C16orf96: variants seen among roughly 807,000 people sequenced by gnomAD.
C16orf96 encodes the protein uncharacterized protein C16orf96.
In C16orf96, 108 loss-of-function variants were observed where a neutral mutation model predicts 103.6. The ratio of observed to expected loss-of-function variants is 1.04; its 90% confidence interval spans 0.89 to 1.22. The LOEUF (loss-of-function observed/expected upper bound fraction) is 1.22, where lower values mean the gene tolerates loss of function less well. Ranked by LOEUF, C16orf96 falls within the 50% of genes most tolerant of loss-of-function variation. The pLI, the probability that C16orf96 is intolerant of heterozygous loss-of-function variation, is 0.00. For missense variants in C16orf96, 1,586 were observed against 1,464.2 expected (o/e 1.08, Z -1.36); for synonymous variants, 566 against 593.5 (o/e 0.95, Z 0.67).
chr16:4,541,669 C>T, the C16orf96 span, among the ~76,000 whole-genome samples: 1 of 152,104 alleles, frequency 6.6e-6, no homozygotes, highest in African/African-American at 2.4e-5. Flanking sequence ...ATTGGTGATT[C>T]TGGTGTTTAA....
Position 4,575,322 on chromosome 16 carries a change from G to C in C16orf96, c.842G>C (p.Trp281Ser). ...AACCCCCAGCTACTGCAGACTGTCTGGCATTATGAGGTCCCAGAGCTCCTC... is the reference window on the plus strand; with the variant it reads ...AACCCCCAGCTACTGCAGACTGTCTCGCATTATGAGGTCCCAGAGCTCCTC... The part of the protein sequence containing the change: ...VQNPQLLQTV[W>S]HYEVPELLPE... Residue 281 changes from tryptophan to serine, a missense_variant, in exon 5 of 16, where the codon TGG becomes TCG. Trp to Ser is a radical substitution (Grantham distance 177, BLOSUM62 -3). Coordinates refer to ENST00000444310, the MANE Select transcript of C16orf96 (RefSeq NM_001145011.2). 6.4e-7 allele frequency: 1 copy of C among 1,551,260 alleles called. No individual in the cohort carries two copies. Among genetic ancestry groups the C allele is most frequent in the Non-Finnish European group, 8.7e-7 (1 of 1,146,982 alleles).
At chr16:4,572,380 A>G (rs1285704824) in intron 2 of C16orf96, among the ~76,000 whole-genome samples, 1 of 146,498 alleles carries the variant, frequency 6.8e-6, no homozygotes, top group African/African-American at 2.5e-5. Context: ...ACTCACTGCA[A>G]CCTCCACCTC....
chr16:4,582,584 A>C (rs1896816400), intron 7 of C16orf96, among the ~76,000 whole-genome samples: 1 of 151,976 alleles, frequency 6.6e-6, no homozygotes, highest in Non-Finnish European at 1.5e-5. Context: ...TGCTGGGCCG[A>C]GTGTGGGTGG....
intron 14 of C16orf96, among the ~76,000 whole-genome samples, chr16:4,598,721 CTG>C (rs1003314627): frequency 1.4e-4 from 22 of 152,218 alleles, no homozygotes; most frequent in African/African-American, 5.3e-4. Flanking sequence ...AGCATTTCAC[CTG>C]TGTCTTACTG....
At position 4,579,026 on chromosome 16, in the gene C16orf96, G is replaced by T. The variant is rs2059549001; in HGVS notation, c.2241+1G>T. 4 of 1,551,422 alleles carry T rather than the reference G, an allele frequency of 2.6e-6. No individual in the cohort carries two copies. The highest frequency in any genetic ancestry group is 2.6e-6 in the Non-Finnish European group (3 of 1,146,826). Reference sequence around the variant, plus strand: ...CAGCCTCCAGAAATCTAGGCTCAAGGTTAGTGTCTCCGGCGAAGGGCTTTT... The same window carrying T: ...CAGCCTCCAGAAATCTAGGCTCAAGTTTAGTGTCTCCGGCGAAGGGCTTTT... On this transcript the variant is annotated splice_donor_variant, in intron 6 of 15. Coordinates refer to ENST00000444310, the MANE Select transcript of C16orf96 (RefSeq NM_001145011.2). LOFTEE classifies it high-confidence loss of function.
chr16:4,571,493 C>A, intron 1 of C16orf96, 68 bp from the exon 2 acceptor site: 1 of 1,353,200 alleles, frequency 7.4e-7, no homozygotes, highest in African/African-American at 1.4e-5. Flanking sequence ...CATCAGAAAG[C>A]TTCTGCACTT....
In C16orf96 at chr16:4,593,873, G is replaced by A. The variant is rs535977629; in HGVS notation, c.2868-478G>A. On this transcript the variant is annotated intron_variant, in intron 12 of 15. Transcript: ENST00000444310. This position sits in a 1 kb window ranked among gnomAD's most constrained non-coding sequence, Gnocchi z 4.2. ...ATGTCCAAACCCTCAGGTTTCCACC[G>A]CACCCAGCTGGCTCCCTGGGTGCCA... 3.9e-5 allele frequency among the ~76,000 whole-genome samples: 6 copies of A among 152,244 alleles called. No individual in the cohort carries two copies. Among genetic ancestry groups the A allele is most frequent in the Non-Finnish European group, 7.4e-5 (5 of 67,986 alleles).
the C16orf96 span, among the ~76,000 whole-genome samples, chr16:4,544,708 G>A: frequency 6.6e-6 from 1 of 152,130 alleles, no homozygotes; most frequent in African/African-American, 2.4e-5. Context: ...AATGCATTTA[G>A]GTCACTGCTC....
chr16:4,578,895 TCCTC>T (rs775747078), intron 5 of C16orf96, 41 bp from the exon 6 acceptor site: 67 of 1,457,510 alleles, frequency 4.6e-5, no homozygotes, highest in Non-Finnish European at 5.6e-5. Context: ...AGAAACATCT[TCCTC>T]CATCCGAGCC....
intron 9 of C16orf96, among the ~76,000 whole-genome samples, chr16:4,590,909 G>T (rs1897044400): frequency 6.6e-6 from 1 of 151,766 alleles, no homozygotes; most frequent in Non-Finnish European, 1.5e-5. Context: ...GCACACGCCT[G>T]TAATCCCAGC....
At chr16:4,570,624 A>G (rs995805969) in intron 1 of C16orf96, among the ~76,000 whole-genome samples, 1 of 151,956 alleles carries the variant, frequency 6.6e-6, no homozygotes, top group African/African-American at 2.4e-5. Context: ...AACATCAGGA[A>G]CTGCTAAGTT....
intron 5 of C16orf96, among the ~76,000 whole-genome samples, chr16:4,577,661 A>G (rs2059528811): frequency 6.6e-6 from 1 of 151,284 alleles, no homozygotes; most frequent in African/African-American, 2.4e-5. Context: ...AAAAAAAAAA[A>G]ATTTTAAACA....
intron 9 of C16orf96, among the ~76,000 whole-genome samples, chr16:4,590,251 C>T (rs1049544679): frequency 6.6e-6 from 1 of 151,914 alleles, no homozygotes; most frequent in Non-Finnish European, 1.5e-5. Flanking sequence ...AGAGAGACTC[C>T]ATCTCTACTT....
At chr16:4,580,309 C>T (rs2059568259) in intron 7 of C16orf96, among the ~76,000 whole-genome samples, 184 bp downstream of exon 7, 1 of 87,516 alleles carries the variant, frequency 1.1e-5, no homozygotes, top group South Asian at 4.9e-4. Context: ...CGAATCCCAC[C>T]ACCCCCCCCC....
At chr16:4,545,006 C>A in the C16orf96 span, among the ~76,000 whole-genome samples, 2 of 152,162 alleles carry the variant, frequency 1.3e-5, no homozygotes, top group Non-Finnish European at 2.9e-5. Flanking sequence ...CTATAGTACA[C>A]GAATATGCAT....
intron 9 of C16orf96, among the ~76,000 whole-genome samples, chr16:4,588,547 A>G (rs760317620): frequency 3.9e-5 from 6 of 152,142 alleles, no homozygotes; most frequent in Non-Finnish European, 5.9e-5. Context: ...GGATGAGCCA[A>G]TTCAAAGAGA....
At chr16:4,550,962 C>T in the C16orf96 span, among the ~76,000 whole-genome samples, 2 of 152,200 alleles carry the variant, frequency 1.3e-5, no homozygotes, top group Admixed American at 1.3e-4. Context: ...TTGCAGATTC[C>T]CAGAACTTTG....
rs1238437231 is a variant in C16orf96 at position 4,576,027 on chromosome 16, A to T, written c.1547A>T (p.Asp516Val). 6.4e-7 allele frequency: 1 copy of T among 1,551,216 alleles called. No homozygotes were observed. The highest frequency in any genetic ancestry group is 2.4e-5 in the East Asian group (1 of 40,908). Residue 516 changes from aspartate (D) to valine (V), a missense_variant, in exon 5 of 16, where the codon GAT becomes GTT. Physicochemically the swap from Asp to Val is radical, Grantham distance 152 (BLOSUM62 -3). Transcript: ENST00000444310. The stretch of plus-strand genomic sequence containing the variant: ...GTCCCCAAAGATAGAGGTGGCAAGG[A>T]TGTGGACCCCAAGGATAGAGCTCAC... ...DDVPKDRGGK[D>V]VDPKDRAHKD... is the part of the protein sequence containing the mutation.
intron 5 of C16orf96, among the ~76,000 whole-genome samples, chr16:4,576,864 G>C (rs1278072777): frequency 6.6e-6 from 1 of 152,144 alleles, no homozygotes; most frequent in African/African-American, 2.4e-5. Context: ...GTCTAAAGTT[G>C]GCACGAGGAA....
Sources: gnomAD v4.1 joint callset for allele counts (sites outside exome capture counted in the v4.1 genomes callset) on GRCh38, gnomAD v4.1.1 for gene constraint, Gnocchi (gnomAD v3.1) non-coding constraint, MANE v1.5 for transcripts, NCBI Gene and HGNC (gene_info 2026-07-23, HGNC 2026-07-21) for gene names.